The following MECOM variants were observed in gnomAD, a reference collection of about 807,000 sequenced individuals.
The protein encoded by MECOM is histone-lysine N-methyltransferase MECOM.
In MECOM, 13 loss-of-function variants were observed where a neutral mutation model predicts 116.3. The observed-to-expected ratio is 0.11, with a 90% CI of 0.07 to 0.18. The LOEUF is 0.18. Among genes scored for constraint, MECOM ranks in the 10% least tolerant of loss-of-function variants. The pLI is 1.00. For synonymous variants in MECOM, 528 were observed against 535.2 expected (o/e 0.99, Z 0.19); for missense variants, 1,299 against 1,509.0 (o/e 0.86, Z 2.31).
At chr3:169,137,367 A>G (rs1233910441) in intron 3 of MECOM, among the ~76,000 whole-genome samples, 2 of 152,140 alleles carry the variant, frequency 1.3e-5, no homozygotes, top group Admixed American at 6.6e-5. Flanking sequence ...ACTCCAATTC[A>G]GGAATGATGT....
chr3:169,592,189 C>A (rs1258787291), intron 1 of MECOM, among the ~76,000 whole-genome samples: 1 of 152,132 alleles, frequency 6.6e-6, no homozygotes, highest in Non-Finnish European at 1.5e-5. Context: ...CACTAGAAAC[C>A]CAAACAAAAC....
At chr3:169,389,232 T>C (rs1226819314) in intron 1 of MECOM, among the ~76,000 whole-genome samples, 1 of 152,226 alleles carries the variant, frequency 6.6e-6, no homozygotes, top group Non-Finnish European at 1.5e-5. Flanking sequence ...GAACTAAGCT[T>C]TTGTCAAAAG....
At chr3:169,086,663 G>T in intron 16 of MECOM, 1 of 674,204 alleles carries the variant, frequency 1.5e-6, no homozygotes, top group South Asian at 1.7e-5. Flanking sequence ...CAGTGTGCCT[G>T]ACTGAGGTAA....
chr3:169,597,966 G>A (rs992839301), intron 1 of MECOM, among the ~76,000 whole-genome samples: 6 of 152,158 alleles, frequency 3.9e-5, no homozygotes, highest in Non-Finnish European at 7.3e-5. Flanking sequence ...TGTAAATCAA[G>A]TAAACACATC....
At chr3:169,513,632 A>G (rs552717404) in intron 1 of MECOM, among the ~76,000 whole-genome samples, 2 of 152,348 alleles carry the variant, frequency 1.3e-5, no homozygotes, top group Admixed American at 1.3e-4. Context: ...AAAGGCAGAG[A>G]GAAAAATAAA....
At chr3:169,392,751 C>T (rs1226542611) in intron 1 of MECOM, among the ~76,000 whole-genome samples, 1 of 152,144 alleles carries the variant, frequency 6.6e-6, no homozygotes, top group Non-Finnish European at 1.5e-5. Flanking sequence ...GAACCTCTAT[C>T]CTTAAGTTTG....
chr3:169,162,064 T>C (rs974900061), intron 2 of MECOM, among the ~76,000 whole-genome samples: 9 of 152,172 alleles, frequency 5.9e-5, no homozygotes, highest in African/African-American at 1.9e-4. Flanking sequence ...TTTTCAACCA[T>C]TAAGTTTTGG....
Position 169,472,660 on chromosome 3 carries a change from A to AGGAGAGGAGAGGAGAGGAG in MECOM, c.38-91137_38-91136insCTCCTCTCCTCTCCTCTCC, listed in dbSNP as rs1560319096. Among the ~76,000 whole-genome samples, 10 of 105,926 alleles carry AGGAGAGGAGAGGAGAGGAG rather than the reference A, an allele frequency of 9.4e-5. 2 individuals carry two copies. Among genetic ancestry groups the AGGAGAGGAGAGGAGAGGAG allele is most frequent in the African/African-American group, 5.8e-4 (10 of 17,246 alleles). 69.5% of individuals were successfully genotyped at this position (105,926 alleles called of 152,430 possible). ...AAGGAAAGGAAAGGAAAAGAAAAGA[A>AGGAGAGGAGAGGAGAGGAG]AGGAAAGGAAAGGAGAGGAGAGGAA... On this transcript the variant is annotated intron_variant, in intron 1 of 16. Transcript: ENST00000651503.
At position 169,599,790 on chromosome 3, in the gene MECOM, T is replaced by G. The variant is rs962365015; in HGVS notation, c.37+63546A>C. On this transcript the variant is annotated intron_variant, in intron 1 of 16. Coordinates refer to ENST00000651503, the MANE Select transcript of MECOM (RefSeq NM_004991.4). ...ACTCAACACCACAACATGATAAATA[T>G]GTTGATTAATTCCCTGATCATTCAA... 4.6e-5 allele frequency among the ~76,000 whole-genome samples: 7 copies of G among 152,182 alleles called. No individual in the cohort carries two copies. The East Asian group carries it at 5.8e-4, about 13-fold the overall frequency.
chr3:169,305,222 AT>A (rs1177981923), intron 2 of MECOM, among the ~76,000 whole-genome samples: 1 of 152,122 alleles, frequency 6.6e-6, no homozygotes, highest in East Asian at 2.0e-4. Flanking sequence ...AATTCATAAT[AT>A]AATCATATTC....
chr3:169,472,979 C>T lies in MECOM; in HGVS notation c.38-91455G>A, dbSNP rs953460587. On this transcript the variant is annotated intron_variant, in intron 1 of 16. Coordinates refer to ENST00000651503, the MANE Select transcript of MECOM (RefSeq NM_004991.4). ...TACCTGGTAGTTATCAATATGTAGACACCACCCAGATACCATGCCAAATGT... is the reference window on the plus strand; with the variant it reads ...TACCTGGTAGTTATCAATATGTAGATACCACCCAGATACCATGCCAAATGT... The T allele has an allele frequency of 5.1e-6, 5 of 983,508 alleles. No individual in the cohort carries two copies. The African/African-American group carries it at 7.0e-5, about 14-fold the overall frequency. 60.9% of individuals were successfully genotyped at this position (983,508 alleles called of 1,614,324 possible). A position where few individuals can be genotyped will look rare whatever the true frequency, so the allele number is the denominator to read the frequency against.
At chr3:169,468,223 CCT>C (rs1392528049) in intron 1 of MECOM, among the ~76,000 whole-genome samples, 1 of 152,036 alleles carries the variant, frequency 6.6e-6, no homozygotes, top group Non-Finnish European at 1.5e-5. Context: ...CTTCCCATGC[CCT>C]GATTCCTCAT....
chr3:169,128,565 A>G (rs1282379537), intron 4 of MECOM, among the ~76,000 whole-genome samples: 1 of 152,116 alleles, frequency 6.6e-6, no homozygotes, highest in African/African-American at 2.4e-5. Context: ...TGCCAGTGCC[A>G]TATTATCTGG....
chr3:169,373,813 G>T (rs1285624943), intron 2 of MECOM, among the ~76,000 whole-genome samples: 1 of 151,914 alleles, frequency 6.6e-6, no homozygotes, highest in East Asian at 1.9e-4. Context: ...ATTTGTCCAT[G>T]GACTACTTCA....
intron 1 of MECOM, among the ~76,000 whole-genome samples, chr3:169,610,115 G>A (rs971296093): frequency 6.6e-5 from 10 of 152,054 alleles, no homozygotes; most frequent in African/African-American, 2.2e-4. Context: ...TTTGTCAATT[G>A]AGCTTAACTA....
chr3:169,134,734 T>C lies in MECOM; in HGVS notation c.511-3203A>G, dbSNP rs181110862. ...TTCTAATTACAATGGCCCAAAAGTA[T>C]AATTTGAATCCTTGAATCTAGGGAT... On this transcript the variant is annotated intron_variant, in intron 3 of 16. Transcript: ENST00000651503. Among the ~76,000 whole-genome samples, 173 of 152,346 alleles carry C rather than the reference T, an allele frequency of 1.1e-3. 1 individual carries two copies. The highest frequency in any genetic ancestry group is 4.0e-3 in the African/African-American group (165 of 41,584).
chr3:169,189,787 G>A (rs1023825000), intron 2 of MECOM, among the ~76,000 whole-genome samples: 2 of 151,990 alleles, frequency 1.3e-5, no homozygotes, highest in Admixed American at 6.6e-5. Context: ...CTTTCACTCC[G>A]ACAGGAATCT....
At chr3:169,607,587 T>C (rs775393987) in intron 1 of MECOM, among the ~76,000 whole-genome samples, 2 of 152,272 alleles carry the variant, frequency 1.3e-5, no homozygotes, top group Non-Finnish European at 2.9e-5. Context: ...TCACGTGGAA[T>C]GACTTTCTTG....
At chr3:169,171,755 C>T (rs1744438616) in intron 2 of MECOM, among the ~76,000 whole-genome samples, 1 of 151,354 alleles carries the variant, frequency 6.6e-6, no homozygotes, top group Non-Finnish European at 1.5e-5. Flanking sequence ...TGGGAAAGAC[C>T]ACAAAGAGAA....
Sources: gnomAD v4.1 joint callset for allele counts (sites outside exome capture counted in the v4.1 genomes callset) on GRCh38, gnomAD v4.1.1 for gene constraint, MANE v1.5 for transcripts, NCBI Gene and HGNC (gene_info 2026-07-23, HGNC 2026-07-21) for gene names.